ULK4: variants seen among roughly 807,000 people sequenced by gnomAD.
ULK4 encodes inactive serine/threonine-protein kinase ULK4.
Under a neutral mutation model 160.6 loss-of-function variants are expected in ULK4, and 133 were observed. The ratio of observed to expected loss-of-function variants is 0.83; its 90% CI spans 0.72 to 0.96. The LOEUF (loss-of-function observed/expected upper bound fraction) is 0.96. ULK4 is among the 40% of genes least tolerant of loss of function. The pLI is 0.00. For missense variants in ULK4, 1,580 were observed against 1,499.5 expected (o/e 1.05, Z -0.89); for synonymous variants, 534 against 539.8 (o/e 0.99, Z 0.15).
chr3:41,589,119 TA>T (rs11360709), intron 31 of ULK4, among the ~76,000 whole-genome samples: 85,239 of 149,488 alleles, frequency 0.57, 25,074 homozygotes, highest in African/African-American at 0.76. Flanking sequence ...AGACAAATAT[TA>T]AAAAAAAAAA....
chr3:41,503,965 T>C (rs1481105806), intron 32 of ULK4, among the ~76,000 whole-genome samples: 6 of 152,328 alleles, frequency 3.9e-5, no homozygotes, highest in Admixed American at 1.3e-4. Context: ...AAAGGCCATC[T>C]TGGTTGAATC....
Position 41,856,512 on chromosome 3 carries a change from AAT to A in ULK4, c.1657-20543_1657-20542del, listed in dbSNP as rs376773321. Reference sequence around the variant, plus strand: ...GGACACATTAATAAATAAATAAATAAATATATATATATATATATATGTATGTA... The same window carrying A: ...GGACACATTAATAAATAAATAAATAAATATATATATATATATATGTATGTA... On this transcript the variant is annotated intron_variant, in intron 17 of 36. Coordinates refer to ENST00000301831, the MANE Select transcript of ULK4 (RefSeq NM_017886.4). Among the ~76,000 whole-genome samples the A allele has an allele frequency of 6.2e-3, 619 of 99,154 alleles. 5 individuals carry two copies. Among genetic ancestry groups the A allele is most frequent in the Middle Eastern group, 0.022 (4 of 178 alleles). The allele number at this position is 99,154 out of a possible 152,430, so 65.0% of individuals were successfully genotyped here.
At chr3:41,491,998 T>G (rs1229372307) in intron 32 of ULK4, among the ~76,000 whole-genome samples, 2 of 152,044 alleles carry the variant, frequency 1.3e-5, no homozygotes, top group Non-Finnish European at 2.9e-5. Context: ...TTTTTGTCTT[T>G]GCAATAGTTT....
At chr3:41,556,034 G>A (rs1334445615) in intron 32 of ULK4, among the ~76,000 whole-genome samples, 1 of 152,112 alleles carries the variant, frequency 6.6e-6, no homozygotes, top group Non-Finnish European at 1.5e-5. Context: ...AGAGGGTGGA[G>A]GGTGGGAAGA....
rs1272399796 is a variant in ULK4 at position 41,438,462 on chromosome 3, T to C, written c.3492+17035A>G. On this transcript the variant is annotated intron_variant, in intron 34 of 36. Transcript: ENST00000301831. Reference sequence around the variant, plus strand: ...GTTCAAAATTTGCACCCTTCCCCAGTAGAAACTATAATAATGGAAGCTTTA... The same window carrying C: ...GTTCAAAATTTGCACCCTTCCCCAGCAGAAACTATAATAATGGAAGCTTTA... Among the ~76,000 whole-genome samples the C allele has an allele frequency of 2.0e-5, 3 of 152,202 alleles. No individual in the cohort carries two copies. In the South Asian group the frequency reaches 6.2e-4, roughly 32 times the overall value.
chr3:41,769,855 T>C (rs985247473), intron 21 of ULK4, among the ~76,000 whole-genome samples: 1 of 152,186 alleles, frequency 6.6e-6, no homozygotes, highest in Non-Finnish European at 1.5e-5. Flanking sequence ...GTAAAATTGA[T>C]CTGCTTCAAT....
chr3:41,648,075 C>A (rs1409154058), intron 30 of ULK4, among the ~76,000 whole-genome samples: 5 of 152,172 alleles, frequency 3.3e-5, no homozygotes, highest in African/African-American at 4.8e-5. Flanking sequence ...GTGGGAGTGA[C>A]CCGATTTTCC....
chr3:41,685,275 G>A (rs1457395910), intron 27 of ULK4, among the ~76,000 whole-genome samples: 3 of 152,048 alleles, frequency 2.0e-5, no homozygotes, highest in African/African-American at 7.2e-5. Flanking sequence ...TGAGATCTTC[G>A]GCCCTTTCTC....
At chr3:41,424,854 A>T (rs2082741534) in intron 34 of ULK4, among the ~76,000 whole-genome samples, 1 of 124,444 alleles carries the variant, frequency 8.0e-6, no homozygotes, top group African/African-American at 3.2e-5. Flanking sequence ...AAAAAAAAAA[A>T]GGCTGAAAAC....
At chr3:41,430,326 A>G (rs983907549) in intron 34 of ULK4, among the ~76,000 whole-genome samples, 3 of 152,218 alleles carry the variant, frequency 2.0e-5, no homozygotes, top group African/African-American at 7.2e-5. Flanking sequence ...ATAAAGTTTC[A>G]GCTTTATAAA....
chr3:41,512,862 C>T (rs2085628221), intron 32 of ULK4, among the ~76,000 whole-genome samples: 1 of 152,116 alleles, frequency 6.6e-6, no homozygotes, highest in South Asian at 2.1e-4. Flanking sequence ...TATCATATTA[C>T]CCAACTTCAA....
At chr3:41,330,315 A>T (rs1463094352) in intron 35 of ULK4, among the ~76,000 whole-genome samples, 1 of 152,198 alleles carries the variant, frequency 6.6e-6, no homozygotes, top group Non-Finnish European at 1.5e-5. Flanking sequence ...CAAGTTTTAC[A>T]AATTATCTGA....
At chr3:41,324,977 CT>C (rs1217260838) in intron 35 of ULK4, among the ~76,000 whole-genome samples, 2 of 152,152 alleles carry the variant, frequency 1.3e-5, no homozygotes, top group African/African-American at 4.8e-5. Context: ...CCATGACCGT[CT>C]TTCCAAAGAA....
chr3:41,773,327 G>T (rs189872272), intron 21 of ULK4, among the ~76,000 whole-genome samples: 67 of 152,272 alleles, frequency 4.4e-4, no homozygotes, highest in African/African-American at 1.6e-3. Context: ...AAACCCCATT[G>T]TCTCAGCCCA....
intron 30 of ULK4, among the ~76,000 whole-genome samples, chr3:41,662,153 T>C (rs1411083122): frequency 6.6e-6 from 1 of 152,244 alleles, no homozygotes; most frequent in Non-Finnish European, 1.5e-5. Context: ...AATTTCTTCT[T>C]CAGGAATGGA....
intron 19 of ULK4, among the ~76,000 whole-genome samples, chr3:41,812,105 T>C (rs2040835715): frequency 6.6e-6 from 1 of 151,920 alleles, no homozygotes; most frequent in Non-Finnish European, 1.5e-5. Context: ...GGCAAAATGG[T>C]AAAACCCCAT....
chr3:41,604,680 A>C (rs2032283359), intron 31 of ULK4, among the ~76,000 whole-genome samples: 1 of 152,152 alleles, frequency 6.6e-6, no homozygotes, highest in Non-Finnish European at 1.5e-5. Context: ...TTTGCCTAAG[A>C]AACACCAATA....
rs1011948862 is a variant in ULK4, at chr3:41,708,178, A to ATG, written c.2635-2874_2635-2873insCA. ...CAACTACTGAAATAAATACATATAC[A>ATG]TATATATATATATTTCCAAAGGAAA... On this transcript the variant is annotated intron_variant, in intron 25 of 36. Coordinates refer to ENST00000301831, the MANE Select transcript of ULK4 (RefSeq NM_017886.4). Among the ~76,000 whole-genome samples, 5 of 76,578 alleles carry ATG rather than the reference A, an allele frequency of 6.5e-5. No homozygotes were observed. In the African/African-American group the frequency reaches 9.6e-4, roughly 15 times the overall value. 50.2% of individuals were successfully genotyped at this position (76,578 alleles called of 152,430 possible).
chr3:41,899,580 C>T (rs1020078232), intron 13 of ULK4, among the ~76,000 whole-genome samples: 2 of 152,162 alleles, frequency 1.3e-5, no homozygotes, highest in African/African-American at 4.8e-5. Flanking sequence ...ATTTGTAAAC[C>T]TTCTTAAAAC....
Sources: allele counts gnomAD v4.1 joint callset (sites outside exome capture counted in the v4.1 genomes callset), GRCh38; gene constraint gnomAD v4.1.1; transcripts MANE v1.5; gene names NCBI Gene and HGNC (gene_info 2026-07-23, HGNC 2026-07-21).